Variants in ANKRD7 observed in about 807,000 individuals in gnomAD.
The protein encoded by ANKRD7 is ankyrin repeat domain-containing protein 7.
A neutral mutation model predicts 30.8 loss-of-function variants in ANKRD7; 30 were observed. That is an observed-to-expected ratio of 0.97 (90% CI 0.73 to 1.32). ANKRD7 has a LOEUF of 1.32. Among genes scored for constraint, ANKRD7 ranks in the 40% most tolerant of loss-of-function variants. The pLI is 0.00. For synonymous variants in ANKRD7, 97 were observed against 106.6 expected, an observed-to-expected ratio of 0.91 and a Z score of 0.55; for missense variants, 264 against 295.7, an observed-to-expected ratio of 0.89 and a Z score of 0.79.
chr7:118,234,898 A>T (rs779900786), intron 3 of ANKRD7, 24 bp downstream of exon 3: 2 of 1,565,548 alleles, frequency 1.3e-6, no homozygotes, highest in African/African-American at 1.4e-5. Context: ...AAAGAAAAAA[A>T]TCCTGTATTT....
At position 118,234,463 on chromosome 7, in the gene ANKRD7, A is replaced by G. The variant is rs61748358; in HGVS notation, c.212A>G (p.His71Arg). The G allele has an allele frequency of 1.0e-3, 1,626 of 1,612,658 alleles. 25 individuals carry two copies. The African/African-American group carries it at 0.019, about 19-fold the overall frequency. The change falls in exon 2 of 7, where the codon CAT (histidine) becomes CGT (arginine). Residue 71 changes from histidine (H) to arginine (R), a missense_variant. Physicochemically the swap from His to Arg is conservative, Grantham distance 29. Transcript: ENST00000265224. ...TPLHLACANG[H>R]TDVVLFLIEQ... ...TTGCACCTAGCCTGTGCTAATGGAC[A>G]TACAGATGTTGTACTTTTCCTAATT...
chr7:118,229,161 G>T (rs1809591954), intron 1 of ANKRD7, among the ~76,000 whole-genome samples: 1 of 151,964 alleles, frequency 6.6e-6, no homozygotes, highest in Admixed American at 6.6e-5. Context: ...GGACTAGCTG[G>T]TCCCTCTGCC....
rs1243310485 is a variant in ANKRD7 at position 118,230,740 on chromosome 7, T to C, written c.180-3691T>C. Among the ~76,000 whole-genome samples, 3 of 151,764 alleles carry C rather than the reference T, an allele frequency of 2.0e-5. No homozygotes were observed. In the South Asian group the frequency reaches 6.2e-4, roughly 31 times the overall value. On this transcript the variant is annotated intron_variant, in intron 1 of 6. Coordinates refer to ENST00000265224, the MANE Select transcript of ANKRD7 (RefSeq NM_019644.4). Reference sequence around the variant, plus strand: ...ATTGCTATTTCCAAGAGAGATGAAATGTGGGCAGAGGAAAGTAGATAGAGT... The same window carrying C: ...ATTGCTATTTCCAAGAGAGATGAAACGTGGGCAGAGGAAAGTAGATAGAGT...
intron 5 of ANKRD7, among the ~76,000 whole-genome samples, chr7:118,238,499 G>A (rs1235784045): frequency 6.6e-6 from 1 of 152,116 alleles, no homozygotes; most frequent in Non-Finnish European, 1.5e-5. Flanking sequence ...GACTTTTGTT[G>A]CTCAAGTAGC....
intron 1 of ANKRD7, among the ~76,000 whole-genome samples, chr7:118,231,205 T>C (rs1809633179): frequency 6.6e-6 from 1 of 152,116 alleles, no homozygotes; most frequent in African/African-American, 2.4e-5. Flanking sequence ...TGCAGGCATC[T>C]TATTAAATCG....
intron 6 of ANKRD7, 128 bp downstream of exon 6, chr7:118,240,126 T>G: frequency 3.1e-6 from 1 of 319,094 alleles, no homozygotes; most frequent in Non-Finnish European, 5.4e-6. Context: ...TTTTGAAATG[T>G]CAAATATTTT....
Position 118,234,539 on chromosome 7 carries a change from G to T in ANKRD7, c.288G>T (p.Leu96Phe), listed in dbSNP as rs749758203. 6 of 1,606,288 alleles carry T rather than the reference G, an allele frequency of 3.7e-6. No homozygotes were observed. In the East Asian group the frequency reaches 1.3e-4, roughly 36 times the overall value. The change falls in exon 2 of 7, where the codon TTG becomes TTT. Residue 96 changes from leucine (L) to phenylalanine (F), a missense_variant. Leu to Phe is a conservative substitution (Grantham distance 22, BLOSUM62 0). Coordinates refer to ENST00000265224, the MANE Select transcript of ANKRD7 (RefSeq NM_019644.4). ...NVRDSENKSPLIKAVQCQNED... is the reference protein window; with the variant it reads ...NVRDSENKSPFIKAVQCQNED... The stretch of plus-strand genomic sequence containing the variant: ...GGGATAGTGAAAACAAATCCCCATT[G>T]ATTAAGGTATGCCATAGTTTTTCTT...
chr7:118,225,044 G>T (rs779066041), intron 1 of ANKRD7, 35 bp downstream of exon 1: 1 of 1,610,002 alleles, frequency 6.2e-7, no homozygotes, highest in African/African-American at 1.3e-5. Context: ...GGGAGGACGG[G>T]TTGGGGCCTG....
chr7:118,240,789 TAAC>T (rs1340608034), intron 6 of ANKRD7, among the ~76,000 whole-genome samples: 11 of 152,148 alleles, frequency 7.2e-5, no homozygotes, highest in Middle Eastern at 3.2e-3. Context: ...TTAAAGAAAG[TAAC>T]AATATTTGTA....
intron 5 of ANKRD7, among the ~76,000 whole-genome samples, 165 bp downstream of exon 5, chr7:118,237,091 TAA>T (rs1809742999): frequency 1.3e-5 from 2 of 152,150 alleles, no homozygotes; most frequent in African/African-American, 4.8e-5. Flanking sequence ...TCAATCAATA[TAA>T]GGGCTACAGA....
chr7:118,233,455 A>G (rs567258032), intron 1 of ANKRD7, among the ~76,000 whole-genome samples: 3 of 151,996 alleles, frequency 2.0e-5, no homozygotes, highest in African/African-American at 7.2e-5. Context: ...AATTTTTTGA[A>G]CTGTTTTTAT....
In ANKRD7 at chr7:118,234,756, A is replaced by G. The variant is rs1447757166; in HGVS notation, c.350A>G (p.Asp117Gly). ...CATILLNFGA[D>G]PDLRDIRYNT... The stretch of plus-strand genomic sequence containing the variant: ...ACTATTCTTCTAAACTTTGGTGCAG[A>G]CCCAGATCTGAGGGATATTCGTTAT... Residue 117 changes from aspartate to glycine, a missense_variant, in exon 3 of 7, where the codon GAC becomes GGC. Coordinates refer to ENST00000265224, the MANE Select transcript of ANKRD7 (RefSeq NM_019644.4). The G allele has an allele frequency of 6.2e-7, 1 of 1,612,908 alleles. No individual in the cohort carries two copies. Among genetic ancestry groups the G allele is most frequent in the African/African-American group, 1.3e-5 (1 of 74,858 alleles).
At chr7:118,232,155 AT>A (rs1404624346) in intron 1 of ANKRD7, among the ~76,000 whole-genome samples, 4 of 152,054 alleles carry the variant, frequency 2.6e-5, no homozygotes, top group Non-Finnish European at 5.9e-5. Flanking sequence ...GTGTAAACAT[AT>A]AGATAAGTGG....
intron 1 of ANKRD7, among the ~76,000 whole-genome samples, chr7:118,232,236 A>T (rs1254245036): frequency 1.3e-5 from 2 of 152,002 alleles, no homozygotes; most frequent in Admixed American, 6.6e-5. Context: ...TCTAAAATTT[A>T]AGGACACTTA....
At chr7:118,236,199 T>A in intron 4 of ANKRD7, 52 bp downstream of exon 4, 1 of 1,024,672 alleles carries the variant, frequency 9.8e-7, no homozygotes, top group Non-Finnish European at 1.5e-6. Context: ...GATAGGATTG[T>A]GTGTGTGCGT....
chr7:118,241,227 T>C (rs1305773366), intron 6 of ANKRD7, among the ~76,000 whole-genome samples: 2 of 151,040 alleles, frequency 1.3e-5, no homozygotes, highest in Non-Finnish European at 3.0e-5. Flanking sequence ...TAGCTTTTAT[T>C]GACAAGTATG....
chr7:118,231,378 A>G (rs1030901635), intron 1 of ANKRD7, among the ~76,000 whole-genome samples: 5 of 152,078 alleles, frequency 3.3e-5, no homozygotes, highest in African/African-American at 4.8e-5. Flanking sequence ...CTTAAGATCT[A>G]TACATAACTT....
Position 118,224,989 on chromosome 7 carries a change from T to C in ANKRD7, c.159T>C (p.Asn53=), listed in dbSNP as rs1452538532. ...TTCAGATCAAGAAATATGATGTAAA[T>C]ATGCAGGACAAAAAATACAGGTGAC... ...EYLQIKKYDV[N]MQDKKYRTPL... The change falls in exon 1 of 7, where the codon AAT becomes AAC. Residue 53 remains asparagine, a synonymous_variant. Coordinates refer to ENST00000265224, the MANE Select transcript of ANKRD7 (RefSeq NM_019644.4). 1.2e-6 allele frequency: 2 copies of C among 1,613,586 alleles called. No individual in the cohort carries two copies. The highest frequency in any genetic ancestry group is 1.7e-6 in the Non-Finnish European group (2 of 1,179,904).
At chr7:118,232,276 AATGTTAAATCTGT>A (rs1248136506) in intron 1 of ANKRD7, among the ~76,000 whole-genome samples, 1 of 152,072 alleles carries the variant, frequency 6.6e-6, no homozygotes, top group South Asian at 2.1e-4. Context: ...AATGAATGTA[AATGTTAAATCTGT>A]ATGTTTTTTA....
Sources: allele counts gnomAD v4.1 joint callset (sites outside exome capture counted in the v4.1 genomes callset), GRCh38; gene constraint gnomAD v4.1.1; transcripts MANE v1.5; gene names NCBI Gene and HGNC (gene_info 2026-07-23, HGNC 2026-07-21).